Variants in SAMD3 observed in about 807,000 individuals in gnomAD.
SAMD3 encodes the protein sterile alpha motif domain-containing protein 3.
Under a neutral mutation model 58.5 loss-of-function variants are expected in SAMD3, and 63 were observed. The ratio of observed to expected loss-of-function variants is 1.08; its 90% CI spans 0.88 to 1.33. The LOEUF (loss-of-function observed/expected upper bound fraction) is 1.33. Among genes scored for constraint, SAMD3 ranks in the 40% most tolerant of loss-of-function variants. The pLI, the probability that SAMD3 is intolerant of heterozygous loss-of-function variation, is 0.00. For missense variants in SAMD3, 604 were observed against 608.4 expected, an observed-to-expected ratio of 0.99 and a Z score of 0.08; for synonymous variants, 220 against 210.3, an observed-to-expected ratio of 1.05 and a Z score of -0.40.
intron 9 of SAMD3, among the ~76,000 whole-genome samples, chr6:130,152,077 G>A (rs870815): frequency 1.3e-5 from 2 of 151,964 alleles, no homozygotes; most frequent in East Asian, 1.9e-4. Context: ...TGGAGGTGAT[G>A]GGGGGTCAGT....
At chr6:130,146,319 G>T in intron 9 of SAMD3, 138 bp from the exon 10 acceptor site, 1 of 431,024 alleles carries the variant, frequency 2.3e-6, no homozygotes. Context: ...AGTTTTAGTG[G>T]AGAATTAAAG....
At chr6:130,329,961 T>A (rs139769664) in intron 1 of SAMD3, among the ~76,000 whole-genome samples, 4 of 152,100 alleles carry the variant, frequency 2.6e-5, no homozygotes, top group Admixed American at 6.6e-5. Context: ...AAACACTTAA[T>A]GCATGCAGGG....
At chr6:130,231,878 G>A (rs1796558965) in intron 2 of SAMD3, among the ~76,000 whole-genome samples, 3 of 152,118 alleles carry the variant, frequency 2.0e-5, no homozygotes, top group Admixed American at 2.0e-4. Context: ...GCATAAACTA[G>A]CACTGGACAG....
chr6:130,180,045 C>T (rs1158719837), intron 7 of SAMD3, among the ~76,000 whole-genome samples: 1 of 151,004 alleles, frequency 6.6e-6, no homozygotes, highest in Non-Finnish European at 1.5e-5. Context: ...GAACTCCTGA[C>T]CTCAGGTGAT....
At chr6:130,311,219 T>A (rs953228449) in intron 2 of SAMD3, among the ~76,000 whole-genome samples, 1 of 152,342 alleles carries the variant, frequency 6.6e-6, no homozygotes. Flanking sequence ...ATTTTATCCA[T>A]CCAGCTACCA....
chr6:130,268,056 C>G (rs1289022148), intron 2 of SAMD3, among the ~76,000 whole-genome samples: 2 of 152,152 alleles, frequency 1.3e-5, no homozygotes, highest in African/African-American at 2.4e-5. Flanking sequence ...TTTCATAGCA[C>G]AATGCATAAC....
At chr6:130,254,641 T>G (rs1334511798) in intron 2 of SAMD3, among the ~76,000 whole-genome samples, 4 of 134,834 alleles carry the variant, frequency 3.0e-5, no homozygotes, top group Non-Finnish European at 4.6e-5. Context: ...TGTGAAGAGT[T>G]TGAAGCCAGC....
chr6:130,264,077 T>C (rs6931969), intron 2 of SAMD3, among the ~76,000 whole-genome samples: 47,289 of 152,100 alleles, frequency 0.31, 7,736 homozygotes, highest in East Asian at 0.47. Flanking sequence ...TCCATCTGCA[T>C]GTTAAACAAA....
chr6:130,150,765 C>T (rs980170940), intron 9 of SAMD3, among the ~76,000 whole-genome samples: 3 of 150,204 alleles, frequency 2.0e-5, no homozygotes, highest in African/African-American at 7.4e-5. Flanking sequence ...AGGCTGGAGT[C>T]CAGTGGCACA....
intron 1 of SAMD3, among the ~76,000 whole-genome samples, chr6:130,331,546 C>T (rs971883738): frequency 1.3e-5 from 2 of 151,810 alleles, no homozygotes; most frequent in Non-Finnish European, 2.9e-5. Context: ...CATGGTGAAA[C>T]CCCGTCTCTA....
At chr6:130,256,217 T>C (rs1773923055) in intron 2 of SAMD3, among the ~76,000 whole-genome samples, 1 of 151,930 alleles carries the variant, frequency 6.6e-6, no homozygotes, top group Non-Finnish European at 1.5e-5. Flanking sequence ...GCTTAATTAA[T>C]TGTGGAACTC....
At chr6:130,351,479 C>T (rs916214363) in intron 1 of SAMD3, among the ~76,000 whole-genome samples, 9 of 152,156 alleles carry the variant, frequency 5.9e-5, no homozygotes, top group Admixed American at 5.2e-4. Flanking sequence ...CGAAAAAATG[C>T]TCATCATCAC....
chr6:130,225,043 A>T (rs1232939927), upstream of SAMD3, among the ~76,000 whole-genome samples: 1 of 152,178 alleles, frequency 6.6e-6, no homozygotes, highest in African/African-American at 2.4e-5. Flanking sequence ...AGAGAGAGAT[A>T]AAGAGAGACA....
intron 1 of SAMD3, among the ~76,000 whole-genome samples, chr6:130,361,295 A>G (rs913738713): frequency 5.3e-5 from 8 of 152,186 alleles, no homozygotes; most frequent in Non-Finnish European, 8.8e-5. Flanking sequence ...ATGTCCATGA[A>G]ATCTTCACAA....
At chr6:130,195,220 T>A (rs558052199) in intron 5 of SAMD3, among the ~76,000 whole-genome samples, 2 of 152,110 alleles carry the variant, frequency 1.3e-5, no homozygotes, top group East Asian at 3.9e-4. Flanking sequence ...TGTATCCCCC[T>A]ACCTTAACCC....
chr6:130,311,220 C>A (rs1438737206), intron 2 of SAMD3, among the ~76,000 whole-genome samples: 2 of 152,170 alleles, frequency 1.3e-5, no homozygotes, highest in Non-Finnish European at 2.9e-5. Context: ...TTTTATCCAT[C>A]CAGCTACCAA....
intron 2 of SAMD3, among the ~76,000 whole-genome samples, chr6:130,294,424 G>A (rs4895877): frequency 0.11 from 16,819 of 152,094 alleles, 1,051 homozygotes; most frequent in Admixed American, 0.14. Context: ...ATTCTGTTCA[G>A]CCCCTCGTTA....
chr6:130,298,888 G>A (rs73609124), intron 2 of SAMD3, among the ~76,000 whole-genome samples: 1,896 of 152,012 alleles, frequency 0.012, 37 homozygotes, highest in African/African-American at 0.043. Context: ...AGACAGAAGG[G>A]CATTATTTAA....
At position 130,222,690 on chromosome 6, in the gene SAMD3, T is replaced by C. The variant is rs1796270472; in HGVS notation, c.-68+4A>G. On this transcript the variant is annotated splice_donor_region_variant and intron_variant, in intron 1 of 11. Coordinates refer to ENST00000439090, the MANE Select transcript of SAMD3 (RefSeq NM_001017373.4). ...ATAGAGAAAAGGTAAAAAGTGATAT[T>C]TACGGATTATTGCTGGAGAGGCTTT... 1 of 152,188 alleles carries C rather than the reference T, an allele frequency of 6.6e-6. No individual in the cohort carries two copies. The highest frequency in any genetic ancestry group is 2.1e-4 in the South Asian group (1 of 4,828). 9.4% of individuals were successfully genotyped at this position (152,188 alleles called of 1,614,324 possible).
Sources: gnomAD v4.1 joint callset for allele counts (sites outside exome capture counted in the v4.1 genomes callset) on GRCh38, gnomAD v4.1.1 for gene constraint, MANE v1.5 for transcripts, NCBI Gene and HGNC (gene_info 2026-07-23, HGNC 2026-07-21) for gene names.